PCDH17: variants seen among roughly 807,000 people sequenced by gnomAD.
PCDH17 encodes the protein protocadherin-17.
Under a neutral mutation model 67.7 loss-of-function variants are expected in PCDH17, and 21 were observed. The ratio of observed to expected loss-of-function variants is 0.31; its 90% CI spans 0.22 to 0.45. The LOEUF (loss-of-function observed/expected upper bound fraction) is 0.45, where lower values mean the gene tolerates loss of function less well. Ranked by LOEUF, PCDH17 falls within the 20% of genes least tolerant of loss-of-function variation. The pLI is 1.00. For synonymous variants in PCDH17, 701 were observed against 656.7 expected, an observed-to-expected ratio of 1.07 and a Z score of -1.03; for missense variants, 1,471 against 1,564.8, an observed-to-expected ratio of 0.94 and a Z score of 1.01.
chr13:57,684,873 T>C (rs766915148), intron 3 of PCDH17, among the ~76,000 whole-genome samples: 3 of 151,988 alleles, frequency 2.0e-5, no homozygotes, highest in Non-Finnish European at 2.9e-5. Context: ...ATTAGTGCCA[T>C]CAATGTTTGA....
chr13:57,668,265 T>A (rs1399516756), intron 3 of PCDH17, among the ~76,000 whole-genome samples: 1 of 152,046 alleles, frequency 6.6e-6, no homozygotes, highest in Non-Finnish European at 1.5e-5. Flanking sequence ...AAACTTGATA[T>A]GTAAATACAC....
upstream of PCDH17, among the ~76,000 whole-genome samples, chr13:57,631,553 A>G (rs1365617305): frequency 2.0e-5 from 3 of 152,176 alleles, no homozygotes; most frequent in Non-Finnish European, 4.4e-5. Context: ...GCGTAGAGAA[A>G]TCAGAGAGTG....
chr13:57,658,294 T>A (rs1008096522), intron 1 of PCDH17, among the ~76,000 whole-genome samples: 5 of 152,214 alleles, frequency 3.3e-5, no homozygotes, highest in African/African-American at 1.2e-4. Flanking sequence ...TATTTTTAGA[T>A]GTTTCGTTTG....
chr13:57,637,710 T>C (rs549935123), intron 1 of PCDH17, among the ~76,000 whole-genome samples: 6 of 152,124 alleles, frequency 3.9e-5, no homozygotes, highest in South Asian at 2.1e-4. Context: ...GAGTATTCTA[T>C]TGATGGAATG....
intron 3 of PCDH17, among the ~76,000 whole-genome samples, chr13:57,674,664 T>C (rs1955367943): frequency 6.6e-6 from 1 of 151,948 alleles, no homozygotes; most frequent in Non-Finnish European, 1.5e-5. Flanking sequence ...GCACTATTAT[T>C]AAGTACGCTT....
At position 57,657,634 on chromosome 13, in the gene PCDH17, CA is replaced by C. The variant is rs1349069519; in HGVS notation, c.2566-8833del. On this transcript the variant is annotated intron_variant, in intron 1 of 3. Coordinates refer to ENST00000377918, the MANE Select transcript of PCDH17 (RefSeq NM_001040429.3). ...TCCCTTGTGTTCAGTCTACTGCAAA[CA>C]GAATGCTTGTTATCAATGTGAAAAG... Among the ~76,000 whole-genome samples the C allele has an allele frequency of 9.9e-5, 15 of 152,280 alleles. No homozygotes were observed. The East Asian group carries it at 2.9e-3, about 29-fold the overall frequency.
At chr13:57,697,745 T>TATTC (rs1336068262) in intron 3 of PCDH17, among the ~76,000 whole-genome samples, 1 of 151,280 alleles carries the variant, frequency 6.6e-6, no homozygotes, top group Non-Finnish European at 1.5e-5. Context: ...ATCTTTAATA[T>TATTC]ATTCATCCTA....
intron 3 of PCDH17, among the ~76,000 whole-genome samples, chr13:57,674,728 C>T (rs1185520605): frequency 1.3e-5 from 2 of 151,870 alleles, no homozygotes; most frequent in Non-Finnish European, 1.5e-5. Context: ...TAGTTATCAG[C>T]ATTAGTTAGT....
intron 3 of PCDH17, among the ~76,000 whole-genome samples, chr13:57,672,444 ACTGAAAGTTCATCATATTT>A (rs1432715235): frequency 6.6e-6 from 1 of 152,010 alleles, no homozygotes; most frequent in Admixed American, 6.6e-5. Context: ...CCATATAATG[ACTGAAAGTTCATCATATTT>A]CTAATTATGT....
Position 57,687,525 on chromosome 13 carries a change from T to C in PCDH17, c.2797+20692T>C, listed in dbSNP as rs186237313. On this transcript the variant is annotated intron_variant, in intron 3 of 3. Transcript: ENST00000377918. Reference sequence around the variant, plus strand: ...TTGACTGGCTCTTGAGGTTCATTCTTTAATAATGAAGCTAACTCATTTTTT... The same window carrying C: ...TTGACTGGCTCTTGAGGTTCATTCTCTAATAATGAAGCTAACTCATTTTTT... Among the ~76,000 whole-genome samples, 751 of 152,118 alleles carry C rather than the reference T, an allele frequency of 4.9e-3. 3 individuals carry two copies. Among genetic ancestry groups the C allele is most frequent in the Non-Finnish European group, 6.8e-3 (461 of 67,968 alleles).
intron 3 of PCDH17, among the ~76,000 whole-genome samples, chr13:57,706,473 T>G (rs1194817803): frequency 6.6e-6 from 1 of 152,164 alleles, no homozygotes; most frequent in South Asian, 2.1e-4. Context: ...CTGGATTAGT[T>G]TCCTAGGGCT....
intron 1 of PCDH17, among the ~76,000 whole-genome samples, chr13:57,664,759 G>C (rs1955228976): frequency 6.6e-6 from 1 of 152,148 alleles, no homozygotes; most frequent in Non-Finnish European, 1.5e-5. Context: ...TCAATTCAAA[G>C]GATGAACTAG....
intron 3 of PCDH17, among the ~76,000 whole-genome samples, chr13:57,667,566 C>T (rs1252927884): frequency 2.0e-5 from 3 of 151,580 alleles, no homozygotes; most frequent in Non-Finnish European, 4.4e-5. Context: ...TTTTTTATGT[C>T]CTATTGTAAA....
At chr13:57,690,546 C>T (rs547386503) in intron 3 of PCDH17, among the ~76,000 whole-genome samples, 315 of 151,534 alleles carry the variant, frequency 2.1e-3, no homozygotes, top group African/African-American at 7.2e-3. Flanking sequence ...AAATTATTGT[C>T]ATAATATTCA....
At chr13:57,683,124 A>C (rs1237007884) in intron 3 of PCDH17, among the ~76,000 whole-genome samples, 3 of 151,902 alleles carry the variant, frequency 2.0e-5, no homozygotes, top group African/African-American at 7.2e-5. Context: ...ATTATTTCAC[A>C]GTGGCCATAG....
chr13:57,696,084 G>T (rs1292509403), intron 3 of PCDH17, among the ~76,000 whole-genome samples: 1 of 151,252 alleles, frequency 6.6e-6, no homozygotes, highest in Middle Eastern at 3.2e-3. Context: ...AACAGTGTGT[G>T]AACCCTGTAA....
upstream of PCDH17, among the ~76,000 whole-genome samples, chr13:57,630,564 A>G (rs1347915175): frequency 6.6e-6 from 1 of 152,080 alleles, no homozygotes; most frequent in Non-Finnish European, 1.5e-5. Context: ...GAAAGGTTTA[A>G]AAAAAATAAA....
chr13:57,643,605 T>C (rs950981245), intron 1 of PCDH17, among the ~76,000 whole-genome samples: 1 of 151,630 alleles, frequency 6.6e-6, no homozygotes, highest in African/African-American at 2.4e-5. Context: ...AAATAGTATA[T>C]CCCAAGTCCT....
chr13:57,644,822 C>T (rs1408681500), intron 1 of PCDH17, among the ~76,000 whole-genome samples: 1 of 151,650 alleles, frequency 6.6e-6, no homozygotes, highest in Non-Finnish European at 1.5e-5. Context: ...AGGAAAGGAG[C>T]AGATAATATT....
Sources: allele counts gnomAD v4.1 joint callset (sites outside exome capture counted in the v4.1 genomes callset), GRCh38; gene constraint gnomAD v4.1.1; transcripts MANE v1.5; gene names NCBI Gene and HGNC (gene_info 2026-07-23, HGNC 2026-07-21).